EXTL2: variants seen among roughly 807,000 people sequenced by gnomAD.
EXTL2 encodes exostosin-like 2.
A neutral mutation model predicts 30.7 loss-of-function variants in EXTL2; 23 were observed. That is an observed-to-expected ratio of 0.75 (90% confidence interval 0.54 to 1.06). The LOEUF is 1.06. EXTL2 is among the 50% of genes least tolerant of loss of function. The pLI, the probability that EXTL2 is intolerant of heterozygous loss-of-function variation, is 0.00. For synonymous variants in EXTL2, 123 were observed against 133.8 expected, an observed-to-expected ratio of 0.92 and a Z score of 0.56; for missense variants, 352 against 396.3, an observed-to-expected ratio of 0.89 and a Z score of 0.95.
At position 100,877,090 on chromosome 1, in the gene EXTL2, A is replaced by G. The variant is rs568553660; in HGVS notation, c.434-226T>C. Among the ~76,000 whole-genome samples, 47 of 152,214 alleles carry G rather than the reference A, an allele frequency of 3.1e-4. No homozygotes were observed. The highest frequency in any genetic ancestry group is 1.1e-3 in the African/African-American group (45 of 41,552). ...GAAAATAATCAAGCAGTTATTATCC[A>G]TCATCCTAGAAACTATTGGGCCTAT... On this transcript the variant is annotated intron_variant, in intron 3 of 4. Coordinates refer to ENST00000370114, the MANE Select transcript of EXTL2 (RefSeq NM_001033025.3). This position sits in a 1 kb window ranked among gnomAD's most constrained non-coding sequence, Gnocchi z 4.1.
rs1308945313 is a variant in EXTL2, at chr1:100,877,340, T to C, written c.433+136A>G. 4 of 725,384 alleles carry C rather than the reference T, an allele frequency of 5.5e-6. No individual in the cohort carries two copies. The highest frequency in any genetic ancestry group is 8.7e-6 in the Non-Finnish European group (4 of 460,062). 44.9% of individuals were successfully genotyped at this position (725,384 alleles called of 1,614,324 possible). ...ACATCTTGGAAATTGTCCCTCAAGC[T>C]TTCCAAAGTGCTTTCTTAGGACTAA... is the stretch of plus-strand genomic sequence containing the variant. On this transcript the variant is annotated intron_variant, in intron 3 of 4. Coordinates refer to ENST00000370114, the MANE Select transcript of EXTL2 (RefSeq NM_001033025.3). The surrounding 1 kb of genome is among the most constrained non-coding windows in gnomAD (Gnocchi z 4.1).
At chr1:100,887,995 G>T (rs1293189835) in intron 2 of EXTL2, among the ~76,000 whole-genome samples, 1 of 152,190 alleles carries the variant, frequency 6.6e-6, no homozygotes, top group Admixed American at 6.5e-5. Context: ...ACCGCGCCCT[G>T]CCCGCCACAT....
rs890620654 is a variant in EXTL2 at position 100,872,815 on chromosome 1, G to A, written c.*1127C>T. 6.6e-6 allele frequency: 1 copy of A among 152,006 alleles called. No individual in the cohort carries two copies. The highest frequency in any genetic ancestry group is 6.6e-5 in the Admixed American group (1 of 15,234). The allele number at this position is 152,006 out of a possible 1,614,324, so 9.4% of individuals were successfully genotyped here. Reference sequence around the variant, plus strand: ...CACAGACAATGGGTGAAACACAGACGCTAATTCACATAACAGAGAGTAGGC... The same window carrying A: ...CACAGACAATGGGTGAAACACAGACACTAATTCACATAACAGAGAGTAGGC... On this transcript the variant is annotated 3_prime_UTR_variant, in exon 5 of 5. Transcript: ENST00000370114.
At chr1:100,878,810 C>A (rs1436672659) in intron 2 of EXTL2, among the ~76,000 whole-genome samples, 1 of 152,078 alleles carries the variant, frequency 6.6e-6, no homozygotes, top group African/African-American at 2.4e-5. Context: ...GGATTTCCAA[C>A]AGGAAAATCT....
chr1:100,893,744 A>G (rs1195707332), intron 1 of EXTL2, among the ~76,000 whole-genome samples: 1 of 152,216 alleles, frequency 6.6e-6, no homozygotes, highest in Non-Finnish European at 1.5e-5. Context: ...GTCCACCTAC[A>G]CTTTTATATT....
At chr1:100,885,303 T>C (rs761933608) in intron 2 of EXTL2, among the ~76,000 whole-genome samples, 1 of 152,372 alleles carries the variant, frequency 6.6e-6, no homozygotes, top group Middle Eastern at 3.4e-3. Context: ...GTGAATGAGC[T>C]GATTTGCCTT....
intron 2 of EXTL2, among the ~76,000 whole-genome samples, chr1:100,883,705 A>C (rs1649744445): frequency 6.6e-6 from 1 of 152,110 alleles, no homozygotes; most frequent in African/African-American, 2.4e-5. Context: ...GCTGCTATGA[A>C]CATTCATGTA....
chr1:100,876,805 A>G lies in EXTL2; in HGVS notation c.493T>C (p.Ser165Pro), dbSNP rs749467215. ...GACAGCAACATTACCTGCCAAACTGAGAAAGCAAAAACAAGGTCTGGGGTG... is the reference window on the plus strand; with the variant it reads ...GACAGCAACATTACCTGCCAAACTGGGAAAGCAAAAACAAGGTCTGGGGTG... ...ISTPDLVFAF[S>P]VWQQFPDQIV... The change falls in exon 4 of 5, where the codon TCA becomes CCA. Residue 165 changes from serine to proline, a missense_variant. Transcript: ENST00000370114. 1 of 1,611,882 alleles carries G rather than the reference A, an allele frequency of 6.2e-7. No homozygotes were observed. Among genetic ancestry groups the G allele is most frequent in the East Asian group, 2.2e-5 (1 of 44,794 alleles).
chr1:100,878,595 A>T (rs1486844305), intron 2 of EXTL2: 1 of 396,778 alleles, frequency 2.5e-6, no homozygotes, highest in East Asian at 7.3e-5. Context: ...AAAAAGAATA[A>T]ATCAGAATAA....
At chr1:100,882,251 T>C (rs1289908123) in intron 2 of EXTL2, among the ~76,000 whole-genome samples, 5 of 152,184 alleles carry the variant, frequency 3.3e-5, no homozygotes, top group African/African-American at 9.7e-5. Flanking sequence ...ATATCTCTGA[T>C]TGTCACAACT....
chr1:100,881,996 C>A (rs942495425), intron 2 of EXTL2, among the ~76,000 whole-genome samples: 1 of 152,170 alleles, frequency 6.6e-6, no homozygotes, highest in Admixed American at 6.5e-5. Flanking sequence ...AGCGTGCAAA[C>A]CCTATTGTGA....
intron 4 of EXTL2, among the ~76,000 whole-genome samples, chr1:100,875,032 T>C (rs1363136967): frequency 6.6e-6 from 1 of 151,952 alleles, no homozygotes; most frequent in Non-Finnish European, 1.5e-5. Context: ...ATATTATGTA[T>C]ATGTGAGAGA....
intron 2 of EXTL2, among the ~76,000 whole-genome samples, chr1:100,883,570 A>G (rs188826941): frequency 6.6e-6 from 1 of 152,318 alleles, no homozygotes; most frequent in East Asian, 1.9e-4. Flanking sequence ...ATCATGAGGT[A>G]TATATCAGTA....
intron 1 of EXTL2, among the ~76,000 whole-genome samples, chr1:100,893,309 C>T (rs1055274880): frequency 5.3e-5 from 8 of 152,194 alleles, no homozygotes; most frequent in South Asian, 2.1e-4. Context: ...TTTTCCAATA[C>T]GACATATTGA....
Position 100,874,155 on chromosome 1 carries a change from T to C in EXTL2, c.780A>G (p.Ser260=), listed in dbSNP as rs772259343. The change falls in exon 5 of 5, where the codon TCA becomes TCG. Residue 260 remains serine (S), a synonymous_variant. Transcript: ENST00000370114. ...TGTTTACAGGCTTCACAAATATCCC[T>C]GAAGTCTTGCCAATATGCTTGGCAA... ...FIIAKHIGKT[S]GIFVKPVNMD... The C allele has an allele frequency of 3.1e-5, 50 of 1,613,024 alleles. No individual in the cohort carries two copies. The highest frequency in any genetic ancestry group is 4.2e-5 in the Non-Finnish European group (49 of 1,179,504).
Position 100,877,007 on chromosome 1 carries a change from T to C in EXTL2, c.434-143A>G, listed in dbSNP as rs1486310706. On this transcript the variant is annotated intron_variant, in intron 3 of 4. Transcript: ENST00000370114. The surrounding 1 kb of genome is among the most constrained non-coding windows in gnomAD (Gnocchi z 4.1). Reference sequence around the variant, plus strand: ...ATAAGCAATGTATTCTTGGGGAGATTTGTCCAGTAGAAAATAATTTTTTTG... The same window carrying C: ...ATAAGCAATGTATTCTTGGGGAGATCTGTCCAGTAGAAAATAATTTTTTTG... 3 of 576,734 alleles carry C rather than the reference T, an allele frequency of 5.2e-6. No homozygotes were observed. Among genetic ancestry groups the C allele is most frequent in the African/African-American group, 1.9e-5 (1 of 53,268 alleles). 35.7% of individuals were successfully genotyped at this position (576,734 alleles called of 1,614,324 possible).
intron 4 of EXTL2, among the ~76,000 whole-genome samples, chr1:100,875,885 A>G (rs1431576741): frequency 6.6e-6 from 1 of 152,096 alleles, no homozygotes; most frequent in Non-Finnish European, 1.5e-5. Context: ...TTTTTGTCCA[A>G]GAAGCTTTCA....
rs1649218339 is a variant in EXTL2, at chr1:100,877,504, G to A, written c.405C>T (p.Leu135=). 6.2e-7 allele frequency: 1 copy of A among 1,606,912 alleles called. No homozygotes were observed. Among genetic ancestry groups the A allele is most frequent in the African/African-American group, 1.3e-5 (1 of 74,652 alleles). The change falls in exon 3 of 5, where the codon CTC becomes CTT. Residue 135 remains leucine, a synonymous_variant. Transcript: ENST00000370114. The surrounding 1 kb of genome is among the most constrained non-coding windows in gnomAD (Gnocchi z 4.1). ...TGGTTTCCAGTTCAGGAAAGACCTG[G>A]AGTCGATTTCTCATCCTGTTTGCTG... ...QQTANRMRNR[L]QVFPELETNA...
rs1648943101 is a variant in EXTL2 at position 100,874,428 on chromosome 1, T to A, written c.507A>T (p.Gln169His). 1 of 1,577,762 alleles carries A rather than the reference T, an allele frequency of 6.3e-7. No individual in the cohort carries two copies. The highest frequency in any genetic ancestry group is 8.6e-7 in the Non-Finnish European group (1 of 1,162,228). ...CAAATCCTACAATTTGATCAGGAAA[T>A]TGCTGAAAAGAGGGAAAAAGAACAA... ...DLVFAFSVWQQFPDQIVGFVP... is the reference protein window; with the variant it reads ...DLVFAFSVWQHFPDQIVGFVP... The change falls in exon 5 of 5, where the codon CAA (glutamine) becomes CAT (histidine). Residue 169 changes from glutamine to histidine, a missense_variant and splice_region_variant. Transcript: ENST00000370114.
Sources: gnomAD v4.1 joint callset for allele counts (sites outside exome capture counted in the v4.1 genomes callset) on GRCh38, gnomAD v4.1.1 for gene constraint, Gnocchi (gnomAD v3.1) non-coding constraint, MANE v1.5 for transcripts, NCBI Gene and HGNC (gene_info 2026-07-23, HGNC 2026-07-21) for gene names.